ACLY: variants seen among roughly 807,000 people sequenced by gnomAD.
ACLY encodes ATP-citrate synthase.
ACLY carries 41 observed loss-of-function variants against 133.0 expected under a neutral mutation model. The observed-to-expected ratio is 0.31, with a 90% CI of 0.24 to 0.40. ACLY has a LOEUF of 0.40. ACLY is among the 10% of genes least tolerant of loss of function. The pLI is 1.00. For missense variants in ACLY, 1,046 were observed against 1,453.8 expected, an observed-to-expected ratio of 0.72 and a Z score of 4.56; for synonymous variants, 495 against 549.3, an observed-to-expected ratio of 0.90 and a Z score of 1.38.
chr17:41,903,895 G>A (rs534560138), intron 10 of ACLY, among the ~76,000 whole-genome samples: 3 of 151,676 alleles, frequency 2.0e-5, no homozygotes, highest in Admixed American at 1.3e-4. Flanking sequence ...TAAGGCGGGT[G>A]GATCACCTGA....
intron 1 of ACLY, among the ~76,000 whole-genome samples, chr17:41,915,560 C>T (rs887276670): frequency 1.3e-5 from 2 of 152,152 alleles, no homozygotes; most frequent in South Asian, 2.1e-4. Context: ...TCCAGCATGG[C>T]ACAATGGGTG....
At chr17:41,896,210 T>C (rs1467745453) in intron 14 of ACLY, among the ~76,000 whole-genome samples, 7 of 152,010 alleles carry the variant, frequency 4.6e-5, no homozygotes, top group Admixed American at 4.6e-4. Context: ...GACTTGTGGC[T>C]CCCCTTCTGC....
intron 16 of ACLY, 47 bp downstream of exon 16, chr17:41,892,232 A>G: frequency 1.8e-5 from 9 of 502,160 alleles, no homozygotes; most frequent in Non-Finnish European, 2.8e-5. Context: ...CTACCTGCGC[A>G]TAGTTCATGG....
chr17:41,875,913 A>T (rs1359679512), intron 22 of ACLY, among the ~76,000 whole-genome samples: 2 of 145,616 alleles, frequency 1.4e-5, no homozygotes, highest in African/African-American at 5.2e-5. Context: ...ATAGTCTGGG[A>T]TGTGAGGAGC....
chr17:41,893,688 C>G (rs782702770), intron 14 of ACLY, among the ~76,000 whole-genome samples: 4 of 152,222 alleles, frequency 2.6e-5, no homozygotes, highest in Non-Finnish European at 4.4e-5. Flanking sequence ...AATTCTAGGT[C>G]AGTGTAGGTC....
intron 11 of ACLY, among the ~76,000 whole-genome samples, chr17:41,900,505 A>C (rs1434541877): frequency 1.3e-5 from 2 of 152,000 alleles, no homozygotes; most frequent in Non-Finnish European, 2.9e-5. Flanking sequence ...GGATCACTTG[A>C]GGCCAGGAGT....
intron 22 of ACLY, among the ~76,000 whole-genome samples, chr17:41,877,540 T>G: frequency 6.6e-6 from 1 of 150,428 alleles, no homozygotes. Context: ...AGCCTTCAAC[T>G]CCTGGTCTCA....
rs782038564 is a variant in ACLY at position 41,867,943 on chromosome 17, A to C, written c.3212-39T>G. On this transcript the variant is annotated intron_variant, in intron 28 of 28. Transcript: ENST00000352035. ...AACACATCTTTTTTATTAGAGCTTC[A>C]TAAGCCTGGTGAGAGGAAGAGGCTA... 45 of 1,467,110 alleles carry C rather than the reference A, an allele frequency of 3.1e-5. No individual in the cohort carries two copies. In the East Asian group the frequency reaches 9.2e-4, roughly 30 times the overall value. The allele number at this position is 1,467,110 out of a possible 1,614,324, so 90.9% of individuals were successfully genotyped here. A position where few individuals can be genotyped will look rare whatever the true frequency, so the allele number is the denominator to read the frequency against.
intron 13 of ACLY, among the ~76,000 whole-genome samples, chr17:41,897,538 C>T (rs1187243933): frequency 2.6e-5 from 4 of 152,126 alleles, no homozygotes; most frequent in Non-Finnish European, 5.9e-5. Context: ...GTTGAGGCGA[C>T]CAGGCACGGC....
chr17:41,905,013 G>A (rs2049668939), intron 9 of ACLY, among the ~76,000 whole-genome samples: 1 of 152,098 alleles, frequency 6.6e-6, no homozygotes, highest in Non-Finnish European at 1.5e-5. Context: ...ACCCACAGGA[G>A]CACTACATAA....
At chr17:41,897,570 C>T (rs1243737911) in intron 13 of ACLY, among the ~76,000 whole-genome samples, 179 bp downstream of exon 13, 1 of 152,056 alleles carries the variant, frequency 6.6e-6, no homozygotes, top group Non-Finnish European at 1.5e-5. Flanking sequence ...GCCTCAGGAG[C>T]GCCCACAGGG....
At position 41,910,139 on chromosome 17, in the gene ACLY, T is replaced by C. The variant is rs534439136; in HGVS notation, c.345+83A>G. On this transcript the variant is annotated intron_variant, in intron 4 of 28. Transcript: ENST00000352035. ...GGTCCCTCTGACTGTCCTCATCAGC[T>C]TGACTTCTTTCCTCAGGTTACGGTG... The C allele has an allele frequency of 6.3e-5, 88 of 1,388,806 alleles. No individual in the cohort carries two copies. The South Asian group carries it at 1.0e-3, about 16-fold the overall frequency. 86.0% of individuals were successfully genotyped at this position (1,388,806 alleles called of 1,614,324 possible).
At chr17:41,912,568 G>A in intron 2 of ACLY, 26 bp from the exon 3 acceptor site, 1 of 1,613,768 alleles carries the variant, frequency 6.2e-7, no homozygotes, top group Non-Finnish European at 8.5e-7. Context: ...TTTGTATTTA[G>A]AGTGAGGAAG....
intron 10 of ACLY, among the ~76,000 whole-genome samples, chr17:41,904,141 G>A (rs1373824113): frequency 1.4e-5 from 2 of 140,108 alleles, no homozygotes; most frequent in African/African-American, 2.6e-5. Flanking sequence ...GGGAGGGAAG[G>A]AGGAAAGGAG....
intron 1 of ACLY, among the ~76,000 whole-genome samples, chr17:41,927,296 C>A (rs1555636083): frequency 2.6e-5 from 4 of 152,212 alleles, no homozygotes; most frequent in African/African-American, 9.6e-5. Context: ...TCCCTACTGC[C>A]ATGTTCCCAG....
chr17:41,914,426 C>T (rs1446962206), intron 1 of ACLY, among the ~76,000 whole-genome samples: 1 of 152,226 alleles, frequency 6.6e-6, no homozygotes, highest in Non-Finnish European at 1.5e-5. Flanking sequence ...TATACACACC[C>T]TTACACACCA....
rs114642826 is a variant in ACLY, at chr17:41,886,216, G to A, written c.1968C>T (p.Ser656=). 169 of 1,614,164 alleles carry A rather than the reference G, an allele frequency of 1.0e-4. No individual in the cohort carries two copies. In the African/African-American group the frequency reaches 2.0e-3, roughly 19 times the overall value. Reference sequence around the variant, plus strand: ...CTCCGGAACGTGAGACATAGGCCACGCTGCCTGGGCGGTACAGTTTGGAGG... The same window carrying A: ...CTCCGGAACGTGAGACATAGGCCACACTGCCTGGGCGGTACAGTTTGGAGG... ...ILASKLYRPG[S]VAYVSRSGGM... The change falls in exon 18 of 29, where the codon AGC becomes AGT. Residue 656 remains serine (S), a synonymous_variant. Coordinates refer to ENST00000352035, the MANE Select transcript of ACLY (RefSeq NM_001096.3).
At chr17:41,911,409 G>A (rs546821938) in intron 3 of ACLY, among the ~76,000 whole-genome samples, 1 of 152,272 alleles carries the variant, frequency 6.6e-6, no homozygotes, top group South Asian at 2.1e-4. Flanking sequence ...CAGCTCCCCT[G>A]GGGAATAAGA....
At chr17:41,883,369 T>A (rs2048969393) in intron 19 of ACLY, 137 bp from the exon 20 acceptor site, 1 of 661,964 alleles carries the variant, frequency 1.5e-6, no homozygotes, top group African/African-American at 1.8e-5. Flanking sequence ...AAGGAAGATT[T>A]CTAAAGGAAC....
Sources: allele counts gnomAD v4.1 joint callset (sites outside exome capture counted in the v4.1 genomes callset), GRCh38; gene constraint gnomAD v4.1.1; transcripts MANE v1.5; gene names NCBI Gene and HGNC (gene_info 2026-07-23, HGNC 2026-07-21).